ZNF180: variants seen among roughly 807,000 people sequenced by gnomAD.
ZNF180 encodes the protein zinc finger protein 180 (HHZ168).
A neutral mutation model predicts 11.8 loss-of-function variants in ZNF180; 11 were observed. That is an observed-to-expected ratio of 0.93 (90% CI 0.59 to 1.55). The LOEUF is 1.55. Ranked by LOEUF, ZNF180 falls within the 40% of genes most tolerant of loss-of-function variation. The pLI, the probability that ZNF180 is intolerant of heterozygous loss-of-function variation, is 0.00. For synonymous variants in ZNF180, 287 were observed against 257.7 expected, an observed-to-expected ratio of 1.11 and a Z score of -1.09; for missense variants, 773 against 781.7, an observed-to-expected ratio of 0.99 and a Z score of 0.13.
chr19:44,477,643 G>C lies in ZNF180; in HGVS notation c.757C>G (p.Gln253Glu). 1.2e-6 allele frequency: 2 copies of C among 1,613,930 alleles called. No individual in the cohort carries two copies. Among genetic ancestry groups the C allele is most frequent in the Middle Eastern group, 1.6e-4 (1 of 6,062 alleles). The change falls in exon 5 of 5, where the codon CAA becomes GAA. Residue 253 changes from glutamine to glutamate, a missense_variant. Coordinates refer to ENST00000592529, the MANE Select transcript of ZNF180 (RefSeq NM_001278509.3). The part of the protein sequence containing the change: ...DKSYGFSDRI[Q>E]SFCHGTPLHI... The stretch of plus-strand genomic sequence containing the variant: ...AGGGGTGTACCATGGCAAAAAGATT[G>C]AATACGGTCACTAAATCCATAGGAT...
intron 2 of ZNF180, among the ~76,000 whole-genome samples, chr19:44,488,728 G>A (rs1970319952): frequency 6.7e-6 from 1 of 150,042 alleles, no homozygotes; most frequent in African/African-American, 2.5e-5. Flanking sequence ...GCTGCCCATT[G>A]TCTGGGATGT....
Position 44,482,174 on chromosome 19 carries a change from G to A in ZNF180, c.126+2187C>T, listed in dbSNP as rs146842047. On this transcript the variant is annotated intron_variant, in intron 3 of 4. Transcript: ENST00000592529. ...CACAAAAAATTAGCCAGGTGTGCTG[G>A]TGCATGCCTATAGTCCCAGCTACTC... Among the ~76,000 whole-genome samples, 818 of 152,212 alleles carry A rather than the reference G, an allele frequency of 5.4e-3. 3 individuals are homozygous for A. In the Middle Eastern group the frequency reaches 0.065, roughly 12 times the overall value.
At chr19:44,490,780 T>C (rs751947721) in intron 2 of ZNF180, among the ~76,000 whole-genome samples, 2 of 152,264 alleles carry the variant, frequency 1.3e-5, no homozygotes, top group Non-Finnish European at 2.9e-5. Flanking sequence ...AAAACTATTA[T>C]ACTTGCAGAA....
intron 1 of ZNF180, among the ~76,000 whole-genome samples, chr19:44,498,436 A>C (rs1481520938): frequency 6.6e-6 from 1 of 152,136 alleles, no homozygotes; most frequent in East Asian, 1.9e-4. Flanking sequence ...AATTGCACCC[A>C]AACTGTTTCC....
At position 44,476,474 on chromosome 19, in the gene ZNF180, A is replaced by C. The variant is rs544131387; in HGVS notation, c.1926T>G (p.Ala642=). The C allele has an allele frequency of 6.2e-7, 1 of 1,614,026 alleles. No homozygotes were observed. Among genetic ancestry groups the C allele is most frequent in the Non-Finnish European group, 8.5e-7 (1 of 1,179,954 alleles). Residue 642 remains alanine, a synonymous_variant, in exon 5 of 5, where the codon GCT becomes GCG. Coordinates refer to ENST00000592529, the MANE Select transcript of ZNF180 (RefSeq NM_001278509.3). ...TAATAAGTTTATAGCTATTAATGAA[A>C]GCTTTTCCACACTGAATACATGTAA... is the stretch of plus-strand genomic sequence containing the variant. ...KPFTCIQCGK[A]FINSYKLIRH...
chr19:44,486,806 C>T (rs1394764323), intron 2 of ZNF180, among the ~76,000 whole-genome samples: 5 of 151,932 alleles, frequency 3.3e-5, no homozygotes, highest in African/African-American at 4.8e-5. Flanking sequence ...TTTGGGAGGC[C>T]GAGGTGGGCA....
chr19:44,482,300 C>A (rs989957295), intron 3 of ZNF180, among the ~76,000 whole-genome samples: 2 of 152,136 alleles, frequency 1.3e-5, no homozygotes, highest in East Asian at 1.9e-4. Context: ...TGGAGTGAGA[C>A]CCTGTCTCAA....
chr19:44,488,534 G>A (rs865868584), intron 2 of ZNF180, among the ~76,000 whole-genome samples: 62 of 152,260 alleles, frequency 4.1e-4, no homozygotes, highest in African/African-American at 1.4e-3. Context: ...CCAAGGTGCT[G>A]GGATTGCAGA....
intron 2 of ZNF180, among the ~76,000 whole-genome samples, chr19:44,486,878 TAAAAATACAA>T (rs1453114592): frequency 6.6e-6 from 1 of 151,986 alleles, no homozygotes; most frequent in Non-Finnish European, 1.5e-5. Flanking sequence ...CCATCTCTAC[TAAAAATACAA>T]AAAAATACAA....
In ZNF180 at chr19:44,475,212, A is replaced by G. The variant is rs537765844; in HGVS notation, c.*1190T>C. 2 of 152,234 alleles carry G rather than the reference A, an allele frequency of 1.3e-5. No homozygotes were observed. The highest frequency in any genetic ancestry group is 2.9e-5 in the Non-Finnish European group (2 of 68,048). The allele number at this position is 152,234 out of a possible 1,614,324, so 9.4% of individuals were successfully genotyped here. On this transcript the variant is annotated 3_prime_UTR_variant, in exon 5 of 5. Transcript: ENST00000592529. Reference sequence around the variant, plus strand: ...AGTAACTAAAACTTTGCCTCATGAAAGCATTTTTGCAAGCATAATTTAGAC... The same window carrying G: ...AGTAACTAAAACTTTGCCTCATGAAGGCATTTTTGCAAGCATAATTTAGAC...
Position 44,476,959 on chromosome 19 carries a change from G to A in ZNF180, c.1441C>T (p.Leu481Phe). ...GTGTGAGTTCTCTGATGAGCAACAA[G>A]TTTATAACTTTGACTAAAGGATTTC... is the stretch of plus-strand genomic sequence containing the variant. ...CGKSFSQSYK[L>F]VAHQRTHTGE... The change falls in exon 5 of 5, where the codon CTT (leucine) becomes TTT (phenylalanine). Residue 481 changes from leucine (L) to phenylalanine (F), a missense_variant. Transcript: ENST00000592529. 1.9e-6 allele frequency: 3 copies of A among 1,614,056 alleles called. No individual in the cohort carries two copies. The highest frequency in any genetic ancestry group is 1.1e-5 in the South Asian group (1 of 91,080).
In ZNF180 at chr19:44,475,955, A is replaced by G. The variant is rs113540510; in HGVS notation, c.*447T>C. 7.0e-3 allele frequency: 1,088 copies of G among 154,666 alleles called. 10 individuals carry two copies. Among genetic ancestry groups the G allele is most frequent in the African/African-American group, 0.023 (978 of 41,624 alleles). 9.6% of individuals were successfully genotyped at this position (154,666 alleles called of 1,614,324 possible). ...AATTGGAAGATCATGTAGTAAAATG[A>G]TGCACTAAAATATGGTTTTCCAGCC... On this transcript the variant is annotated 3_prime_UTR_variant, in exon 5 of 5. Transcript: ENST00000592529.
intron 2 of ZNF180, among the ~76,000 whole-genome samples, chr19:44,496,921 G>A (rs905268888): frequency 1.3e-5 from 2 of 152,014 alleles, no homozygotes; most frequent in African/African-American, 4.8e-5. Flanking sequence ...AGTTTCAATG[G>A]CTACAGTGTA....
At chr19:44,499,094 T>A (rs1377273278) in intron 1 of ZNF180, among the ~76,000 whole-genome samples, 1 of 152,140 alleles carries the variant, frequency 6.6e-6, no homozygotes, top group Admixed American at 6.5e-5. Context: ...GCCCCACTAT[T>A]TGCCCGCAGC....
chr19:44,490,509 T>C (rs1427082091), intron 2 of ZNF180, among the ~76,000 whole-genome samples: 1 of 152,174 alleles, frequency 6.6e-6, no homozygotes, highest in East Asian at 1.9e-4. Context: ...ATTCCTGATA[T>C]ACACCCGTGA....
At chr19:44,487,244 A>C (rs577637389) in intron 2 of ZNF180, among the ~76,000 whole-genome samples, 1 of 152,318 alleles carries the variant, frequency 6.6e-6, no homozygotes, top group South Asian at 2.1e-4. Context: ...GGCTAGCATT[A>C]ATGTATTTAA....
intron 3 of ZNF180, among the ~76,000 whole-genome samples, chr19:44,481,924 T>C (rs1421330346): frequency 6.6e-6 from 1 of 152,226 alleles, no homozygotes; most frequent in African/African-American, 2.4e-5. Context: ...CTATCCCACT[T>C]ATTCTATTCT....
chr19:44,488,792 C>T (rs1322962746), intron 2 of ZNF180, among the ~76,000 whole-genome samples: 5 of 151,794 alleles, frequency 3.3e-5, no homozygotes, highest in Non-Finnish European at 7.4e-5. Flanking sequence ...CGTCTCTGCC[C>T]GGCGGCCATC....
intron 2 of ZNF180, among the ~76,000 whole-genome samples, chr19:44,490,528 T>G (rs1409543453): frequency 6.6e-6 from 1 of 152,100 alleles, no homozygotes; most frequent in Non-Finnish European, 1.5e-5. Flanking sequence ...GACAAATACA[T>G]CTTTTCTTAA....
Sources: gnomAD v4.1 joint callset for allele counts (sites outside exome capture counted in the v4.1 genomes callset) on GRCh38, gnomAD v4.1.1 for gene constraint, MANE v1.5 for transcripts, NCBI Gene and HGNC (gene_info 2026-07-23, HGNC 2026-07-21) for gene names.